The following TTC28 variants were observed in gnomAD, a reference collection of about 807,000 sequenced individuals.
TTC28 encodes tetratricopeptide repeat domain 28, also known as tetratricopeptide repeat protein 28.
A neutral mutation model predicts 198.0 loss-of-function variants in TTC28; 61 were observed. The observed-to-expected ratio is 0.31, with a 90% CI of 0.25 to 0.38. The LOEUF (loss-of-function observed/expected upper bound fraction) is 0.38. Among genes scored for constraint, TTC28 ranks in the 10% least tolerant of loss-of-function variants. The pLI is 1.00. For missense variants in TTC28, 2,678 were observed against 3,164.0 expected (o/e 0.85, Z 3.69); for synonymous variants, 1,171 against 1,297.8 (o/e 0.90, Z 2.10).
At chr22:28,157,243 T>A (rs981823539) in intron 6 of TTC28, among the ~76,000 whole-genome samples, 1 of 152,148 alleles carries the variant, frequency 6.6e-6, no homozygotes, top group Non-Finnish European at 1.5e-5. Flanking sequence ...CCTGCCAAGA[T>A]TGAACCATGA....
chr22:28,026,462 T>C (rs1938840547), intron 13 of TTC28, among the ~76,000 whole-genome samples: 1 of 152,098 alleles, frequency 6.6e-6, no homozygotes, highest in Admixed American at 6.5e-5. Flanking sequence ...CCTAGCATCC[T>C]CCCTACTTTC....
intron 2 of TTC28, among the ~76,000 whole-genome samples, chr22:28,542,984 T>C (rs2049449736): frequency 6.6e-6 from 1 of 152,244 alleles, no homozygotes; most frequent in Non-Finnish European, 1.5e-5. Flanking sequence ...TAAAGCAATG[T>C]TGAGAAATGT....
rs190847063 is a variant in TTC28, at chr22:28,027,199, G to A, written c.4073+3027C>T. On this transcript the variant is annotated intron_variant, in intron 13 of 22. Transcript: ENST00000397906. ...CACACACACAGACACTTACATGCAT[G>A]TGCTGGCCTACCAGTCCTCCGCGTC... Among the ~76,000 whole-genome samples the A allele has an allele frequency of 1.1e-4, 16 of 152,288 alleles. No individual in the cohort carries two copies. The East Asian group carries it at 3.1e-3, about 29-fold the overall frequency.
intron 6 of TTC28, among the ~76,000 whole-genome samples, chr22:28,129,443 A>T (rs1464299821): frequency 6.6e-6 from 1 of 152,198 alleles, no homozygotes. Flanking sequence ...TCATTCCAAG[A>T]TGTTCTCAAA....
At chr22:28,424,240 TA>T (rs1007472325) in intron 2 of TTC28, among the ~76,000 whole-genome samples, 7 of 152,204 alleles carry the variant, frequency 4.6e-5, no homozygotes, top group Middle Eastern at 6.8e-3. Flanking sequence ...AACAAACAAA[TA>T]AGTAAATAAA....
intron 2 of TTC28, among the ~76,000 whole-genome samples, chr22:28,430,839 T>C (rs1169383182): frequency 2.0e-5 from 3 of 151,596 alleles, no homozygotes; most frequent in Admixed American, 6.6e-5. Context: ...TCAGCTGGCA[T>C]TTGAAGTCTA....
At chr22:28,422,346 T>G (rs921893449) in intron 2 of TTC28, among the ~76,000 whole-genome samples, 7 of 152,182 alleles carry the variant, frequency 4.6e-5, no homozygotes, top group Admixed American at 3.3e-4. Flanking sequence ...CCACAAACAC[T>G]CTGATCTTGT....
In TTC28 at chr22:28,575,413, T is replaced by C. The variant is rs185816952; in HGVS notation, c.381+54139A>G. 8.5e-5 allele frequency among the ~76,000 whole-genome samples: 13 copies of C among 152,192 alleles called. No individual in the cohort carries two copies. The East Asian group carries it at 2.1e-3, about 25-fold the overall frequency. On this transcript the variant is annotated intron_variant, in intron 2 of 22. Coordinates refer to ENST00000397906, the MANE Select transcript of TTC28 (RefSeq NM_001145418.2). ...GTTTTTAGGCCAGTACCATGCTATTTTGGTTACTATGGCTCTGTAGTATAA... is the reference window on the plus strand; with the variant it reads ...GTTTTTAGGCCAGTACCATGCTATTCTGGTTACTATGGCTCTGTAGTATAA...
At chr22:28,489,544 T>C (rs548379267) in intron 2 of TTC28, among the ~76,000 whole-genome samples, 7 of 152,298 alleles carry the variant, frequency 4.6e-5, no homozygotes, top group Admixed American at 3.9e-4. Flanking sequence ...ACCCAGGTGC[T>C]AGCACAGGAA....
intron 2 of TTC28, among the ~76,000 whole-genome samples, chr22:28,574,416 A>G (rs1298283993): frequency 6.6e-6 from 1 of 151,908 alleles, no homozygotes; most frequent in Non-Finnish European, 1.5e-5. Flanking sequence ...TTCTTTATCC[A>G]TTCATCTGTT....
At chr22:28,504,319 T>C (rs1294750514) in intron 2 of TTC28, among the ~76,000 whole-genome samples, 1 of 152,198 alleles carries the variant, frequency 6.6e-6, no homozygotes, top group Non-Finnish European at 1.5e-5. Context: ...TTGAGTTATA[T>C]AGTTTTCCTA....
At chr22:28,312,124 T>C (rs141366357) in intron 2 of TTC28, among the ~76,000 whole-genome samples, 6,988 of 151,364 alleles carry the variant, frequency 0.046, 275 homozygotes, top group African/African-American at 0.1. Context: ...AAGAAGGCCA[T>C]TACATAATGG....
intron 2 of TTC28, among the ~76,000 whole-genome samples, chr22:28,493,368 T>C (rs1387269786): frequency 6.6e-6 from 1 of 152,088 alleles, no homozygotes; most frequent in Non-Finnish European, 1.5e-5. Context: ...AAAAAAAATT[T>C]TTTTAATTAA....
intron 2 of TTC28, among the ~76,000 whole-genome samples, chr22:28,486,260 T>A (rs1326151494): frequency 1.3e-5 from 2 of 152,092 alleles, no homozygotes; most frequent in Admixed American, 6.6e-5. Context: ...GAAAAACAGG[T>A]ATTTCCAGGG....
intron 2 of TTC28, among the ~76,000 whole-genome samples, chr22:28,337,141 T>C (rs2045738696): frequency 6.6e-6 from 1 of 152,214 alleles, no homozygotes; most frequent in Non-Finnish European, 1.5e-5. Flanking sequence ...TCCATGTAGT[T>C]GCGCGGTTTT....
At chr22:28,269,587 C>T (rs1166583906) in intron 5 of TTC28, among the ~76,000 whole-genome samples, 2 of 152,118 alleles carry the variant, frequency 1.3e-5, no homozygotes, top group Non-Finnish European at 2.9e-5. Context: ...GAAAAAATAT[C>T]AATTTTACTT....
intron 2 of TTC28, among the ~76,000 whole-genome samples, chr22:28,539,497 G>A (rs532834586): frequency 8.6e-5 from 13 of 151,958 alleles, no homozygotes; most frequent in Non-Finnish European, 1.8e-4. Context: ...TTAGCCAGGC[G>A]TTGTGGCATG....
intron 2 of TTC28, among the ~76,000 whole-genome samples, chr22:28,332,028 G>A (rs2045624134): frequency 6.6e-6 from 1 of 152,068 alleles, no homozygotes; most frequent in Non-Finnish European, 1.5e-5. Context: ...AGGAATGTTG[G>A]CTGACACTTG....
intron 5 of TTC28, among the ~76,000 whole-genome samples, chr22:28,260,998 C>T (rs1279384742): frequency 6.6e-6 from 1 of 152,184 alleles, no homozygotes; most frequent in Admixed American, 6.6e-5. Context: ...TTTTCTCATA[C>T]TTCCTCTAGG....
Sources: allele counts gnomAD v4.1 joint callset (sites outside exome capture counted in the v4.1 genomes callset), GRCh38; gene constraint gnomAD v4.1.1; transcripts MANE v1.5; gene names NCBI Gene and HGNC (gene_info 2026-07-23, HGNC 2026-07-21).